ASTN2: variants seen among roughly 807,000 people sequenced by gnomAD.
ASTN2 encodes astrotactin 2.
Under a neutral mutation model 139.8 loss-of-function variants are expected in ASTN2, and 54 were observed. The observed-to-expected ratio is 0.39, with a 90% CI of 0.31 to 0.48. The LOEUF (loss-of-function observed/expected upper bound fraction) is 0.48, where lower values mean the gene tolerates loss of function less well. Among genes scored for constraint, ASTN2 ranks in the 20% least tolerant of loss-of-function variants. ASTN2 has a pLI of 0.95. For synonymous variants in ASTN2, 756 were observed against 719.5 expected (o/e 1.05, Z -0.81); for missense variants, 1,565 against 1,725.1 (o/e 0.91, Z 1.64).
rs146348238 is a variant in ASTN2 at position 117,356,602 on chromosome 9, C to T, written c.442+57895G>A. 5.3e-5 allele frequency among the ~76,000 whole-genome samples: 8 copies of T among 152,222 alleles called. No individual in the cohort carries two copies. The East Asian group carries it at 1.5e-3, about 29-fold the overall frequency. On this transcript the variant is annotated intron_variant, in intron 1 of 22. Coordinates refer to ENST00000313400, the MANE Select transcript of ASTN2 (RefSeq NM_001365068.1). The stretch of plus-strand genomic sequence containing the variant: ...TGATATCTTTTCTGTTCAATCTGAT[C>T]TTCAATTTTAATGCGCTTCCATGTA...
chr9:117,189,872 C>T (rs1831302056), intron 3 of ASTN2, among the ~76,000 whole-genome samples: 2 of 152,274 alleles, frequency 1.3e-5, no homozygotes, highest in South Asian at 4.1e-4. Flanking sequence ...TGCATCCCTA[C>T]CCTTATACTA....
At chr9:117,005,735 TTCTC>T (rs150957099) in intron 7 of ASTN2, among the ~76,000 whole-genome samples, 415 of 149,168 alleles carry the variant, frequency 2.8e-3, no homozygotes, top group African/African-American at 9.5e-3. Context: ...CAGTACATAC[TTCTC>T]TCTCTCTCTC....
At chr9:116,882,964 T>G (rs1355817456) in intron 10 of ASTN2, among the ~76,000 whole-genome samples, 1 of 152,194 alleles carries the variant, frequency 6.6e-6, no homozygotes, top group Admixed American at 6.5e-5. Flanking sequence ...TTGCCAACAT[T>G]TATGGAAAGC....
intron 3 of ASTN2, among the ~76,000 whole-genome samples, chr9:117,200,592 A>G (rs1024095275): frequency 2.6e-5 from 4 of 152,204 alleles, no homozygotes. Context: ...ATTTTATCAA[A>G]GGCCTTTTCT....
At chr9:116,983,349 A>G (rs1347558979) in intron 7 of ASTN2, among the ~76,000 whole-genome samples, 1 of 152,188 alleles carries the variant, frequency 6.6e-6, no homozygotes, top group Non-Finnish European at 1.5e-5. Flanking sequence ...GTGACATTTG[A>G]CATGTGTCAT....
At chr9:117,068,591 T>C (rs1322743485) in intron 5 of ASTN2, among the ~76,000 whole-genome samples, 1 of 110,596 alleles carries the variant, frequency 9.0e-6, no homozygotes, top group Non-Finnish European at 1.9e-5. Context: ...TGGTACCAGT[T>C]CCTCCTTGTA....
chr9:116,511,171 C>T (rs1344749092), intron 19 of ASTN2, among the ~76,000 whole-genome samples: 12 of 152,024 alleles, frequency 7.9e-5, no homozygotes, highest in African/African-American at 2.7e-4. Flanking sequence ...TTTTGAGATA[C>T]GTCCGATCAA....
chr9:117,095,992 A>C, intron 5 of ASTN2, 52 bp downstream of exon 5: 1 of 1,539,412 alleles, frequency 6.5e-7, no homozygotes, highest in Non-Finnish European at 9.0e-7. Context: ...TCTGATTTCC[A>C]GGATTTCCTT....
At chr9:117,344,404 C>T (rs1829153863) in intron 1 of ASTN2, among the ~76,000 whole-genome samples, 1 of 152,124 alleles carries the variant, frequency 6.6e-6, no homozygotes, top group Non-Finnish European at 1.5e-5. Flanking sequence ...AAAGACCCTG[C>T]CCCTCCCCTG....
chr9:116,840,332 C>A (rs992005455), intron 11 of ASTN2, among the ~76,000 whole-genome samples: 1 of 151,298 alleles, frequency 6.6e-6, no homozygotes, highest in Non-Finnish European at 1.5e-5. Context: ...CACCTTTCCC[C>A]CCTTTCTATT....
intron 16 of ASTN2, among the ~76,000 whole-genome samples, chr9:116,662,848 C>T (rs904132287): frequency 3.9e-5 from 6 of 152,012 alleles, no homozygotes; most frequent in Admixed American, 6.6e-5. Context: ...CAAGTAATGT[C>T]GTAATTTTTT....
At chr9:116,871,866 G>A (rs537203212) in intron 10 of ASTN2, among the ~76,000 whole-genome samples, 150 of 152,270 alleles carry the variant, frequency 9.9e-4, no homozygotes, top group Non-Finnish European at 1.9e-3. Context: ...GCCCCTAATA[G>A]CATGAGCCAC....
chr9:117,000,298 A>G (rs1186700772), intron 7 of ASTN2, among the ~76,000 whole-genome samples: 1 of 152,222 alleles, frequency 6.6e-6, no homozygotes, highest in East Asian at 1.9e-4. Context: ...CAGGAAACAG[A>G]GAAGAGAGAA....
rs529222772 is a variant in ASTN2 at position 117,371,165 on chromosome 9, C to T, written c.442+43332G>A. Among the ~76,000 whole-genome samples, 4 of 152,182 alleles carry T rather than the reference C, an allele frequency of 2.6e-5. No individual in the cohort carries two copies. In the South Asian group the frequency reaches 8.3e-4, roughly 32 times the overall value. Reference sequence around the variant, plus strand: ...TCCCTACATTATCAAATACCCATAACAATCCTAAGGGAGGGCCAAGAGTAA... The same window carrying T: ...TCCCTACATTATCAAATACCCATAATAATCCTAAGGGAGGGCCAAGAGTAA... On this transcript the variant is annotated intron_variant, in intron 1 of 22. Coordinates refer to ENST00000313400, the MANE Select transcript of ASTN2 (RefSeq NM_001365068.1).
chr9:116,729,141 G>T, intron 14 of ASTN2, 45 bp from the exon 15 acceptor site: 2 of 1,403,542 alleles, frequency 1.4e-6, no homozygotes, highest in Non-Finnish European at 2.0e-6. Context: ...GAATTAAGAC[G>T]CTTCACACCA....
At position 116,852,308 on chromosome 9, in the gene ASTN2, T is replaced by A. The variant is rs778025936; in HGVS notation, c.2040+11275A>T. On this transcript the variant is annotated intron_variant, in intron 11 of 22. Coordinates refer to ENST00000313400, the MANE Select transcript of ASTN2 (RefSeq NM_001365068.1). ...GCAGGGATCATTCCCATTTTATGGA[T>A]CAGATTAGAGGGGCTCAGATACATT... is the stretch of plus-strand genomic sequence containing the variant. Among the ~76,000 whole-genome samples, 11 of 152,300 alleles carry A rather than the reference T, an allele frequency of 7.2e-5. 1 individual carries two copies. In the South Asian group the frequency reaches 1.0e-3, roughly 14 times the overall value.
intron 15 of ASTN2, among the ~76,000 whole-genome samples, chr9:116,728,365 T>G (rs1425467409): frequency 8.6e-5 from 13 of 150,304 alleles, no homozygotes; most frequent in Admixed American, 8.0e-4. Context: ...CATCACAGAG[T>G]AATATAGTAT....
chr9:117,004,879 C>T lies in ASTN2; in HGVS notation c.1591+3213G>A, dbSNP rs369409451. Among the ~76,000 whole-genome samples the T allele has an allele frequency of 7.2e-5, 11 of 152,168 alleles. 1 individual carries two copies. The highest frequency in any genetic ancestry group is 2.6e-4 in the African/African-American group (11 of 41,536). ...TTGGTAAGTTCCTTTTTCTTTCTGG[C>T]TCCTGTTCTCTATTTGAGGACAATA... is the stretch of plus-strand genomic sequence containing the variant. On this transcript the variant is annotated intron_variant, in intron 7 of 22. Transcript: ENST00000313400.
At position 116,440,664 on chromosome 9, in the gene ASTN2, G is replaced by C. The variant is rs771415401; in HGVS notation, c.3727C>G (p.His1243Asp). ...ACGAAGTCGCCAAACTTTTCATAGT[G>C]AGAGTTGTAGTGGTGCTGGACTCGG... ...LFRVQHHYNS[H>D]YEKFGDFVWR... The change falls in exon 22 of 23, where the codon CAC becomes GAC. Residue 1243 changes from histidine to aspartate, a missense_variant. This residue lies in a region of ASTN2 where 418 missense variants were observed against 465.8 expected (regional missense o/e 0.90). Coordinates refer to ENST00000313400, the MANE Select transcript of ASTN2 (RefSeq NM_001365068.1). 1 of 1,614,178 alleles carries C rather than the reference G, an allele frequency of 6.2e-7. No individual in the cohort carries two copies. The highest frequency in any genetic ancestry group is 8.5e-7 in the Non-Finnish European group (1 of 1,180,042).
Sources: gnomAD v4.1 joint callset for allele counts (sites outside exome capture counted in the v4.1 genomes callset) on GRCh38, gnomAD v4.1.1 for gene constraint, gnomAD v4.1.1 regional missense constraint, MANE v1.5 for transcripts, NCBI Gene and HGNC (gene_info 2026-07-23, HGNC 2026-07-21) for gene names.